The following IGSF21 variants were observed in gnomAD, a reference collection of about 807,000 sequenced individuals.
The protein encoded by IGSF21 is immunoglobin superfamily member 21, also known as immunoglobulin superfamily member 21.
Under a neutral mutation model 46.8 loss-of-function variants are expected in IGSF21, and 28 were observed. The ratio of observed to expected loss-of-function variants is 0.60; its 90% confidence interval spans 0.44 to 0.82. The LOEUF is 0.82. IGSF21 is among the 40% of genes least tolerant of loss of function. The pLI is 0.00. For synonymous variants in IGSF21, 284 were observed against 273.6 expected, an observed-to-expected ratio of 1.04 and a Z score of -0.38; for missense variants, 624 against 665.5, an observed-to-expected ratio of 0.94 and a Z score of 0.69.
At chr1:18,277,261 C>T (rs1337982426) in intron 2 of IGSF21, among the ~76,000 whole-genome samples, 3 of 152,216 alleles carry the variant, frequency 2.0e-5, no homozygotes, top group African/African-American at 2.4e-5. Flanking sequence ...GCCTCGGTTG[C>T]CTCCTTTGAA....
chr1:18,228,251 C>G (rs1258164104), intron 2 of IGSF21, among the ~76,000 whole-genome samples: 1 of 152,158 alleles, frequency 6.6e-6, no homozygotes, highest in Admixed American at 6.5e-5. Context: ...TGCCCCTACG[C>G]TTGGAAAACT....
In IGSF21 at chr1:18,273,425, C is replaced by T. The variant is rs1004188950; in HGVS notation, c.184-18441C>T. ...CTTTCCTTTCCTTTCTTTTCCTTTC[C>T]TTTCCTTTCTTTCTTTCTCACTTTC... On this transcript the variant is annotated intron_variant, in intron 2 of 9. Coordinates refer to ENST00000251296, the MANE Select transcript of IGSF21 (RefSeq NM_032880.5). Among the ~76,000 whole-genome samples, 161 of 112,074 alleles carry T rather than the reference C, an allele frequency of 1.4e-3. 2 individuals are homozygous for T. The highest frequency in any genetic ancestry group is 5.4e-3 in the East Asian group (20 of 3,672). The allele number at this position is 112,074 out of a possible 152,430, so 73.5% of individuals were successfully genotyped here.
At position 18,135,839 on chromosome 1, in the gene IGSF21, C is replaced by T. The variant is rs550357586; in HGVS notation, c.70+27641C>T. On this transcript the variant is annotated intron_variant, in intron 1 of 9. Transcript: ENST00000251296. ...CTAGATCCCTGAGGAATCACCACAC[C>T]GACTTCCACAATGGTTGAACTTGTT... Among the ~76,000 whole-genome samples the T allele has an allele frequency of 3.5e-4, 54 of 152,288 alleles. 2 individuals carry two copies. In the South Asian group the frequency reaches 7.9e-3, roughly 22 times the overall value.
At chr1:18,366,985 C>A (rs1431869641) in intron 6 of IGSF21, among the ~76,000 whole-genome samples, 3 of 152,196 alleles carry the variant, frequency 2.0e-5, no homozygotes, top group African/African-American at 7.2e-5. Context: ...AGGGGATGGG[C>A]ACGATGACCT....
intron 1 of IGSF21, among the ~76,000 whole-genome samples, chr1:18,207,915 C>T (rs755938615): frequency 6.6e-6 from 1 of 152,172 alleles, no homozygotes; most frequent in East Asian, 1.9e-4. Context: ...TATTGGCCTC[C>T]CCACATGTTT....
chr1:18,169,807 G>A (rs1227643890), intron 1 of IGSF21, among the ~76,000 whole-genome samples: 5 of 152,204 alleles, frequency 3.3e-5, no homozygotes, highest in Non-Finnish European at 7.3e-5. Flanking sequence ...CCACAGTGTG[G>A]TACTTGGCCC....
intron 2 of IGSF21, among the ~76,000 whole-genome samples, chr1:18,259,624 A>G (rs1357893381): frequency 6.6e-6 from 1 of 152,168 alleles, no homozygotes; most frequent in Admixed American, 6.5e-5. Context: ...GACATTTTAT[A>G]TAAAGAAGAG....
chr1:18,347,338 C>A (rs559952352), intron 4 of IGSF21, among the ~76,000 whole-genome samples: 5 of 152,172 alleles, frequency 3.3e-5, no homozygotes, highest in Admixed American at 2.0e-4. Context: ...AGGAGACATG[C>A]CCACTGTCCC....
chr1:18,197,728 T>C (rs2087023118), intron 1 of IGSF21, among the ~76,000 whole-genome samples: 1 of 152,236 alleles, frequency 6.6e-6, no homozygotes, highest in Non-Finnish European at 1.5e-5. Context: ...GTATGTGACT[T>C]TATCTATCTG....
chr1:18,377,493 C>A, intron 9 of IGSF21, 62 bp downstream of exon 9: 1 of 1,373,266 alleles, frequency 7.3e-7, no homozygotes, highest in Non-Finnish European at 1.0e-6. Flanking sequence ...CGCCAGAAAG[C>A]TCTGGTCCCC....
chr1:18,341,682 C>A (rs2085843221), intron 4 of IGSF21, among the ~76,000 whole-genome samples: 1 of 152,168 alleles, frequency 6.6e-6, no homozygotes, highest in South Asian at 2.1e-4. Context: ...CATCACCCAG[C>A]CAGTGTGTGG....
At chr1:18,247,537 G>A (rs1406450391) in intron 2 of IGSF21, among the ~76,000 whole-genome samples, 1 of 152,122 alleles carries the variant, frequency 6.6e-6, no homozygotes, top group Non-Finnish European at 1.5e-5. Context: ...CCAGGAAGCA[G>A]CCCATCCTCG....
intron 1 of IGSF21, among the ~76,000 whole-genome samples, chr1:18,161,220 C>T (rs1481667746): frequency 6.6e-6 from 1 of 152,164 alleles, no homozygotes; most frequent in Non-Finnish European, 1.5e-5. Context: ...GGGGCCCTCC[C>T]AGCCTCCACT....
intron 1 of IGSF21, among the ~76,000 whole-genome samples, chr1:18,142,099 A>C (rs1323437906): frequency 6.6e-6 from 1 of 152,188 alleles, no homozygotes; most frequent in Non-Finnish European, 1.5e-5. Flanking sequence ...TGTATATATA[A>C]AATAAAGCAC....
chr1:18,139,689 T>C (rs1238494239), intron 1 of IGSF21, among the ~76,000 whole-genome samples: 2 of 152,228 alleles, frequency 1.3e-5, no homozygotes, highest in South Asian at 2.1e-4. Context: ...CTGGATGCCC[T>C]AGGCTTCAAT....
At chr1:18,376,184 C>T (rs1472774267) in intron 6 of IGSF21, 126 bp from the exon 7 acceptor site, 2 of 740,860 alleles carry the variant, frequency 2.7e-6, no homozygotes, top group African/African-American at 3.4e-5. Context: ...AATGAATGAG[C>T]ACACTGAGCT....
intron 1 of IGSF21, among the ~76,000 whole-genome samples, chr1:18,203,609 C>T (rs1000352122): frequency 6.6e-6 from 1 of 152,102 alleles, no homozygotes; most frequent in Non-Finnish European, 1.5e-5. Context: ...GTGACCAGCC[C>T]CTTGATAACT....
chr1:18,343,846 A>T (rs1569849150), intron 4 of IGSF21, among the ~76,000 whole-genome samples: 1 of 152,006 alleles, frequency 6.6e-6, no homozygotes, highest in African/African-American at 2.4e-5. Context: ...ACCATCTGCC[A>T]CCTCCAGCCT....
intron 1 of IGSF21, among the ~76,000 whole-genome samples, chr1:18,185,532 G>C (rs762226362): frequency 1.2e-4 from 18 of 152,222 alleles, no homozygotes; most frequent in Non-Finnish European, 2.4e-4. Flanking sequence ...AGGTTGTGCA[G>C]CCTATAGACA....
Sources: allele counts gnomAD v4.1 joint callset (sites outside exome capture counted in the v4.1 genomes callset), GRCh38; gene constraint gnomAD v4.1.1; transcripts MANE v1.5; gene names NCBI Gene and HGNC (gene_info 2026-07-23, HGNC 2026-07-21).